The following BCKDHB variants were observed in gnomAD, a reference collection of about 807,000 sequenced individuals.
BCKDHB encodes branched chain keto acid dehydrogenase E1 subunit beta, also known as 2-oxoisovalerate dehydrogenase subunit beta, mitochondrial.
BCKDHB carries 41 observed loss-of-function variants against 48.5 expected under a neutral mutation model. The ratio of observed to expected loss-of-function variants is 0.85; its 90% confidence interval spans 0.66 to 1.10. The LOEUF is 1.10. BCKDHB is among the 50% of genes least tolerant of loss of function. The probability of loss-of-function intolerance (pLI) is 0.00; values close to 1 mark genes in which losing one functional copy is unlikely to be tolerated. For synonymous variants in BCKDHB, 201 were observed against 174.8 expected, an observed-to-expected ratio of 1.15 and a Z score of -1.18; for missense variants, 496 against 494.2, an observed-to-expected ratio of 1.00 and a Z score of -0.03.
chr6:80,229,650 T>C (rs1775824948), intron 8 of BCKDHB, among the ~76,000 whole-genome samples: 1 of 152,192 alleles, frequency 6.6e-6, no homozygotes, highest in Non-Finnish European at 1.5e-5. Flanking sequence ...ATTTGTATTT[T>C]AGTGAACATG....
chr6:80,383,433 A>T, the BCKDHB span, among the ~76,000 whole-genome samples: 1 of 152,132 alleles, frequency 6.6e-6, no homozygotes, highest in East Asian at 1.9e-4. Flanking sequence ...AACAATTTTT[A>T]ATGTAGACAA....
chr6:80,330,398 G>A (rs1271365701), intron 9 of BCKDHB, among the ~76,000 whole-genome samples: 1 of 152,126 alleles, frequency 6.6e-6, no homozygotes, highest in Non-Finnish European at 1.5e-5. Flanking sequence ...ATACAGAATA[G>A]AAATACAAAC....
intron 9 of BCKDHB, among the ~76,000 whole-genome samples, chr6:80,285,619 G>A (rs1766591592): frequency 6.6e-6 from 1 of 151,922 alleles, no homozygotes; most frequent in Non-Finnish European, 1.5e-5. Flanking sequence ...ACAACTTTCC[G>A]GGCAGTGTCC....
Position 80,203,204 on chromosome 6 carries a change from A to G in BCKDHB, c.943A>G (p.Ile315Val), listed in dbSNP as rs1774481189. 2.5e-6 allele frequency: 4 copies of G among 1,591,036 alleles called. No individual in the cohort carries two copies. In the African/African-American group the frequency reaches 4.0e-5, roughly 16 times the overall value. Reference sequence around the variant, plus strand: ...TATAATACCTTGGGATGTGGACACAATTTGTAAGGTATGAATATAATGGTG... The same window carrying G: ...TATAATACCTTGGGATGTGGACACAGTTTGTAAGGTATGAATATAATGGTG... ...RTIIPWDVDT[I>V]CKSVIKTGRL... The change falls in exon 8 of 10, where the codon ATT becomes GTT. Residue 315 changes from isoleucine (I) to valine (V), a missense_variant. Transcript: ENST00000320393.
chr6:80,385,298 C>A, the BCKDHB span, among the ~76,000 whole-genome samples: 1 of 152,298 alleles, frequency 6.6e-6, no homozygotes, highest in Admixed American at 6.5e-5. Context: ...AAAACAGACA[C>A]AAGCTCTTAT....
At chr6:80,368,102 ATCT>A in the BCKDHB span, among the ~76,000 whole-genome samples, 1 of 152,102 alleles carries the variant, frequency 6.6e-6, no homozygotes, top group Non-Finnish European at 1.5e-5. Context: ...TTCTGTCATC[ATCT>A]TCTCTTTGTA....
intron 9 of BCKDHB, among the ~76,000 whole-genome samples, chr6:80,296,651 T>A (rs1387460680): frequency 6.6e-6 from 1 of 152,274 alleles, no homozygotes; most frequent in East Asian, 1.9e-4. Context: ...TATAACCCTT[T>A]ACATTTTTTT....
In BCKDHB at chr6:80,344,588, AC is replaced by A. The variant is rs1770099310; in HGVS notation, c.*787del. On this transcript the variant is annotated 3_prime_UTR_variant, in exon 10 of 10. Coordinates refer to ENST00000320393, the MANE Select transcript of BCKDHB (RefSeq NM_183050.4). ...TCTCGATCTCTTGACCTTGTGTTCC[AC>A]CCGCCTTGGCCTCCCAAAGTGCTGG... is the stretch of plus-strand genomic sequence containing the variant. The A allele has an allele frequency of 6.6e-6, 1 of 151,812 alleles. No homozygotes were observed. The highest frequency in any genetic ancestry group is 1.5e-5 in the Non-Finnish European group (1 of 68,100). The allele number at this position is 151,812 out of a possible 1,614,324, so 9.4% of individuals were successfully genotyped here.
intron 8 of BCKDHB, among the ~76,000 whole-genome samples, chr6:80,232,681 T>TATTC (rs34457002): frequency 7.1e-4 from 1 of 1,400 alleles, no homozygotes; most frequent in African/African-American, 4.3e-3. Context: ...TAAATATAAA[T>TATTC]ATAAATGTAA....
At chr6:80,360,760 CTT>C in the BCKDHB span, among the ~76,000 whole-genome samples, 10 of 151,916 alleles carry the variant, frequency 6.6e-5, no homozygotes, top group Non-Finnish European at 1.5e-4. Flanking sequence ...AATCCCAGCA[CTT>C]TGGGAGGCTG....
chr6:80,293,356 C>T (rs143314326), intron 9 of BCKDHB, among the ~76,000 whole-genome samples: 261 of 152,330 alleles, frequency 1.7e-3, no homozygotes, highest in Non-Finnish European at 2.7e-3. Flanking sequence ...CTTAACACTA[C>T]GTGGAAGCTG....
At chr6:80,465,607 C>G in the BCKDHB span, 1 of 152,154 alleles carries the variant, frequency 6.6e-6, no homozygotes, top group Non-Finnish European at 1.5e-5. Flanking sequence ...TCTCTGATTC[C>G]ATCCCTCCTT....
chr6:80,290,869 G>A (rs1766874150), intron 9 of BCKDHB, among the ~76,000 whole-genome samples: 1 of 152,192 alleles, frequency 6.6e-6, no homozygotes, highest in Non-Finnish European at 1.5e-5. Flanking sequence ...GATTATTTAT[G>A]CCTCCCCTTT....
intron 8 of BCKDHB, among the ~76,000 whole-genome samples, chr6:80,205,665 C>T (rs527335407): frequency 4.1e-4 from 63 of 152,176 alleles, no homozygotes; most frequent in African/African-American, 1.4e-3. Context: ...CTAGAAACCA[C>T]AGCTAGTTTT....
rs185257888 is a variant in BCKDHB at position 80,235,721 on chromosome 6, G to T, written c.951+32509G>T. On this transcript the variant is annotated intron_variant, in intron 8 of 9. Coordinates refer to ENST00000320393, the MANE Select transcript of BCKDHB (RefSeq NM_183050.4). Reference sequence around the variant, plus strand: ...TTGTGTTCTACCAATTCTCCTTGCAGTTGCTTGTGTAGTGGATAGGATAAT... The same window carrying T: ...TTGTGTTCTACCAATTCTCCTTGCATTTGCTTGTGTAGTGGATAGGATAAT... Among the ~76,000 whole-genome samples, 145 of 152,306 alleles carry T rather than the reference G, an allele frequency of 9.5e-4. 1 individual carries two copies. The highest frequency in any genetic ancestry group is 1.6e-4 in the Non-Finnish European group (11 of 68,024).
chr6:80,191,229 C>A (rs1370262761), intron 6 of BCKDHB, among the ~76,000 whole-genome samples: 1 of 152,132 alleles, frequency 6.6e-6, no homozygotes, highest in Non-Finnish European at 1.5e-5. Context: ...GTTAGATATG[C>A]AATAAGGAAT....
chr6:80,170,735 C>A (rs984468195), intron 5 of BCKDHB, among the ~76,000 whole-genome samples: 1 of 152,094 alleles, frequency 6.6e-6, no homozygotes, highest in African/African-American at 2.4e-5. Context: ...TGTGGACTAT[C>A]CACACTTTTG....
intron 9 of BCKDHB, among the ~76,000 whole-genome samples, chr6:80,309,356 T>C (rs1452518349): frequency 6.6e-6 from 1 of 152,146 alleles, no homozygotes; most frequent in Non-Finnish European, 1.5e-5. Context: ...TGAGCCACCA[T>C]GCCCAGCCAA....
intron 8 of BCKDHB, among the ~76,000 whole-genome samples, chr6:80,252,512 G>A (rs1467113446): frequency 6.6e-6 from 1 of 152,106 alleles, no homozygotes; most frequent in Non-Finnish European, 1.5e-5. Flanking sequence ...TATTTTAATA[G>A]CTTTTCCAAA....
Sources: gnomAD v4.1 joint callset for allele counts (sites outside exome capture counted in the v4.1 genomes callset) on GRCh38, gnomAD v4.1.1 for gene constraint, MANE v1.5 for transcripts, NCBI Gene and HGNC (gene_info 2026-07-23, HGNC 2026-07-21) for gene names.